The following SLC2A13 variants were observed in gnomAD, a reference collection of about 807,000 sequenced individuals.
The protein encoded by SLC2A13 is solute carrier family 2 member 13.
SLC2A13 carries 32 observed loss-of-function variants against 64.4 expected under a neutral mutation model. That is an observed-to-expected ratio of 0.50 (90% CI 0.37 to 0.67). The LOEUF is 0.67. Among genes scored for constraint, SLC2A13 ranks in the 30% least tolerant of loss-of-function variants. SLC2A13 has a pLI of 0.00. For missense variants in SLC2A13, 743 were observed against 829.2 expected (o/e 0.90, Z 1.28); for synonymous variants, 338 against 327.1 (o/e 1.03, Z -0.36).
chr12:39,913,083 T>C (rs1242588401), intron 4 of SLC2A13, among the ~76,000 whole-genome samples: 1 of 151,980 alleles, frequency 6.6e-6, no homozygotes, highest in Admixed American at 6.6e-5. Flanking sequence ...AGGTAACCAA[T>C]GGAGAGTAAA....
At chr12:40,069,991 G>C (rs556432113) in intron 1 of SLC2A13, among the ~76,000 whole-genome samples, 3 of 152,152 alleles carry the variant, frequency 2.0e-5, no homozygotes, top group African/African-American at 7.2e-5. Context: ...ACAAATTCCT[G>C]AATGGAGGTT....
chr12:39,835,250 T>C (rs962973773), intron 6 of SLC2A13, among the ~76,000 whole-genome samples: 2 of 152,042 alleles, frequency 1.3e-5, no homozygotes, highest in Admixed American at 6.6e-5. Context: ...GAGCACACAT[T>C]GTCTAACAAT....
chr12:39,788,540 A>T (rs1941270711), intron 7 of SLC2A13: 1 of 152,170 alleles, frequency 6.6e-6, no homozygotes, highest in African/African-American at 2.4e-5. Flanking sequence ...ATAATTGTTT[A>T]TTTCTGAAAT....
chr12:40,043,473 T>TA (rs1178725823), intron 2 of SLC2A13, among the ~76,000 whole-genome samples: 1 of 151,804 alleles, frequency 6.6e-6, no homozygotes, highest in East Asian at 1.9e-4. Flanking sequence ...CTACTAAAAA[T>TA]AAAAATAAAC....
intron 7 of SLC2A13, among the ~76,000 whole-genome samples, chr12:39,826,854 A>ATTTTTTTTTTTTTTTT (rs63699664): frequency 2.1e-4 from 14 of 67,388 alleles, no homozygotes; most frequent in East Asian, 6.1e-4. Flanking sequence ...GTCTCTTTCA[A>ATTTTTTTTTTTTTTTT]TTTTTTTTTT....
At chr12:40,018,955 C>A (rs1274802551) in intron 3 of SLC2A13, among the ~76,000 whole-genome samples, 1 of 152,074 alleles carries the variant, frequency 6.6e-6, no homozygotes, top group African/African-American at 2.4e-5. Context: ...TACATTCAAA[C>A]AAGATTGTAA....
intron 6 of SLC2A13, among the ~76,000 whole-genome samples, chr12:39,831,894 C>T (rs951932204): frequency 3.3e-5 from 5 of 152,118 alleles, no homozygotes; most frequent in South Asian, 2.1e-4. Flanking sequence ...GCCTGGAGAA[C>T]GATGAGCCAA....
At chr12:40,097,124 T>C (rs912029796) in intron 1 of SLC2A13, among the ~76,000 whole-genome samples, 1 of 152,214 alleles carries the variant, frequency 6.6e-6, no homozygotes, top group Admixed American at 6.5e-5. Flanking sequence ...TATACACCTA[T>C]AGGCATAAAG....
rs771042991 is a variant in SLC2A13 at position 39,755,101 on chromosome 12, GATTTTA to G, written c.*4919_*4924del. On this transcript the variant is annotated 3_prime_UTR_variant, in exon 10 of 10. Coordinates refer to ENST00000280871, the MANE Select transcript of SLC2A13 (RefSeq NM_052885.4). ...GGCACTGACACTTTTTTTAAAAAAA[GATTTTA>G]ATTTTATGTAAAGATTGAACTTCAA... The G allele has an allele frequency of 2.0e-5, 3 of 151,720 alleles. No homozygotes were observed. The highest frequency in any genetic ancestry group is 4.4e-5 in the Non-Finnish European group (3 of 67,834). The allele number at this position is 151,720 out of a possible 1,614,324, so 9.4% of individuals were successfully genotyped here. A position where few individuals can be genotyped will look rare whatever the true frequency, so the allele number is the denominator to read the frequency against.
intron 1 of SLC2A13, among the ~76,000 whole-genome samples, chr12:40,052,982 T>C (rs918198023): frequency 1.3e-5 from 2 of 152,090 alleles, no homozygotes; most frequent in African/African-American, 4.8e-5. Flanking sequence ...TGTCTTATCA[T>C]GTAAAATCAT....
At chr12:40,097,630 A>G (rs1312049726) in intron 1 of SLC2A13, among the ~76,000 whole-genome samples, 2 of 152,202 alleles carry the variant, frequency 1.3e-5, no homozygotes, top group East Asian at 3.8e-4. Flanking sequence ...CTATGAAAAA[A>G]TGTTCCACAT....
chr12:39,980,004 G>T (rs1033430676), intron 3 of SLC2A13, among the ~76,000 whole-genome samples: 4 of 151,222 alleles, frequency 2.6e-5, no homozygotes, highest in Non-Finnish European at 5.9e-5. Context: ...CCAGAAGAGA[G>T]TGAGGGCCAA....
intron 3 of SLC2A13, among the ~76,000 whole-genome samples, chr12:39,996,347 C>A (rs149990154): frequency 6.6e-6 from 1 of 152,158 alleles, no homozygotes; most frequent in Non-Finnish European, 1.5e-5. Context: ...TCAGTTTTAT[C>A]AGGGAAGCAC....
At chr12:39,768,671 G>A (rs1235192510) in intron 7 of SLC2A13, among the ~76,000 whole-genome samples, 5 of 152,076 alleles carry the variant, frequency 3.3e-5, no homozygotes, top group South Asian at 2.1e-4. Context: ...TAAGTTTGAC[G>A]TCTTATACGG....
At chr12:39,938,402 T>TA (rs1945955549) in intron 4 of SLC2A13, among the ~76,000 whole-genome samples, 1 of 132,032 alleles carries the variant, frequency 7.6e-6, no homozygotes, top group Non-Finnish European at 1.8e-5. Flanking sequence ...TAAAGAAACT[T>TA]TAAAAAAAAA....
chr12:39,979,905 GT>G (rs1378243162), intron 3 of SLC2A13, among the ~76,000 whole-genome samples: 3 of 135,068 alleles, frequency 2.2e-5, no homozygotes, highest in Non-Finnish European at 3.2e-5. Flanking sequence ...AGGAAAAAAT[GT>G]TAAGGGCAGC....
At chr12:40,090,999 T>C (rs1225847293) in intron 1 of SLC2A13, among the ~76,000 whole-genome samples, 2 of 152,156 alleles carry the variant, frequency 1.3e-5, no homozygotes, top group African/African-American at 4.8e-5. Flanking sequence ...AGAGTGTCCT[T>C]ACACAAACCT....
In SLC2A13 at chr12:39,896,078, G is replaced by A. The variant is rs558949422; in HGVS notation, c.1035-24117C>T. 1.5e-3 allele frequency among the ~76,000 whole-genome samples: 8 copies of A among 5,460 alleles called. No individual in the cohort carries two copies. In the South Asian group the frequency reaches 0.07, roughly 48 times the overall value. The allele number at this position is 5,460 out of a possible 152,430, so 3.6% of individuals were successfully genotyped here. ...TATATGCATACATATATGTATACAC[G>A]TGTACATATATGTATACACGTGTAT... On this transcript the variant is annotated intron_variant, in intron 4 of 9. Coordinates refer to ENST00000280871, the MANE Select transcript of SLC2A13 (RefSeq NM_052885.4).
chr12:39,831,939 A>G (rs1178584092), intron 6 of SLC2A13, among the ~76,000 whole-genome samples: 1 of 152,154 alleles, frequency 6.6e-6, no homozygotes, highest in Non-Finnish European at 1.5e-5. Context: ...GCCCAGTCTC[A>G]GGTATTCCTT....
Sources: gnomAD v4.1 joint callset for allele counts (sites outside exome capture counted in the v4.1 genomes callset) on GRCh38, gnomAD v4.1.1 for gene constraint, MANE v1.5 for transcripts, NCBI Gene and HGNC (gene_info 2026-07-23, HGNC 2026-07-21) for gene names.